The following SPX variants were observed in gnomAD, a reference collection of about 807,000 sequenced individuals.
The protein encoded by SPX is spexin.
In SPX, 22 loss-of-function variants were observed where a neutral mutation model predicts 19.2. The ratio of observed to expected loss-of-function variants is 1.15; its 90% CI spans 0.82 to 1.64. The LOEUF (loss-of-function observed/expected upper bound fraction) is 1.64. SPX is among the 40% of genes most tolerant of loss of function. The pLI, the probability that SPX is intolerant of heterozygous loss-of-function variation, is 0.00. For missense variants in SPX, 143 were observed against 137.7 expected (o/e 1.04, Z -0.19); for synonymous variants, 50 against 53.3 (o/e 0.94, Z 0.27).
intron 4 of SPX, 108 bp from the exon 5 acceptor site, chr12:21,528,893 A>G: frequency 2.0e-6 from 2 of 1,012,964 alleles, no homozygotes; most frequent in Non-Finnish European, 3.0e-6. Flanking sequence ...TGAGGGGTCA[A>G]AATCTATTTC....
chr12:21,531,800 C>T lies in SPX; in HGVS notation c.*605C>T, dbSNP rs369116480. 1 of 152,164 alleles carries T rather than the reference C, an allele frequency of 6.6e-6. No homozygotes were observed. The highest frequency in any genetic ancestry group is 1.9e-4 in the East Asian group (1 of 5,200). 9.4% of individuals were successfully genotyped at this position (152,164 alleles called of 1,614,324 possible). The stretch of plus-strand genomic sequence containing the variant: ...TTGAGGTAGAAGGTTTGCCAAAGAT[C>T]CAGAGCTCAGAGCTCCCTTTGTGCT... On this transcript the variant is annotated 3_prime_UTR_variant, in exon 6 of 6. Coordinates refer to ENST00000256969, the MANE Select transcript of SPX (RefSeq NM_030572.4).
chr12:21,526,565 AT>A, intron 1 of SPX, 87 bp downstream of exon 1: 1 of 1,305,082 alleles, frequency 7.7e-7, no homozygotes, highest in Non-Finnish European at 1.1e-6. Flanking sequence ...TTTAATAAGG[AT>A]TTTAGAGTTT....
chr12:21,527,072 G>A (rs1295919264), intron 2 of SPX, 63 bp from the exon 3 acceptor site: 2 of 1,583,508 alleles, frequency 1.3e-6, no homozygotes, highest in Non-Finnish European at 1.7e-6. Flanking sequence ...CCTTTATTTT[G>A]CTGTAATAGA....
At chr12:21,530,991 T>G in intron 5 of SPX, 146 bp from the exon 6 acceptor site, 1 of 585,710 alleles carries the variant, frequency 1.7e-6, no homozygotes, top group Non-Finnish European at 3.0e-6. Context: ...AAAGCCCATA[T>G]TGTTTAAATT....
rs1943816831 is a variant in SPX, at chr12:21,526,541, T to C, written c.6+63T>C. On this transcript the variant is annotated intron_variant, in intron 1 of 5. Transcript: ENST00000256969. The stretch of plus-strand genomic sequence containing the variant: ...ATTTTTTAAAACGTTTTATAGCATT[T>C]TACCTATTTCATGTTTAATAAGGAT... The C allele has an allele frequency of 2.4e-5, 35 of 1,467,946 alleles. No homozygotes were observed. The South Asian group carries it at 3.7e-4, about 16-fold the overall frequency. The allele number at this position is 1,467,946 out of a possible 1,614,324, so 90.9% of individuals were successfully genotyped here.
Position 21,529,059 on chromosome 12 carries a change from G to C in SPX, c.267G>C (p.Leu89=). 1 of 1,614,130 alleles carries C rather than the reference G, an allele frequency of 6.2e-7. No individual in the cohort carries two copies. The highest frequency in any genetic ancestry group is 8.5e-7 in the Non-Finnish European group (1 of 1,180,006). Residue 89 remains leucine (L), a synonymous_variant, in exon 5 of 6, where the codon CTG becomes CTC. Transcript: ENST00000256969. ...LTIPEAATIL[L]ASLQKSPEDE... ...TTCCGGAGGCAGCAACCATCTTACT[G>C]GCGTCCCTTCAGAAATCACCAGAAG...
chr12:21,526,776 CAG>C (rs1943818262), intron 1 of SPX, 108 bp from the exon 2 acceptor site: 5 of 1,094,066 alleles, frequency 4.6e-6, no homozygotes, highest in Non-Finnish European at 6.8e-6. Context: ...AGTATTAAAA[CAG>C]AATATTGCGA....
At chr12:21,530,328 T>G (rs1288811152) in intron 5 of SPX, among the ~76,000 whole-genome samples, 1 of 152,220 alleles carries the variant, frequency 6.6e-6, no homozygotes, top group African/African-American at 2.4e-5. Flanking sequence ...TGTTTTGTTT[T>G]GTTTTCTTCC....
Position 21,531,249 on chromosome 12 carries a change from C to A in SPX, c.*54C>A. On this transcript the variant is annotated 3_prime_UTR_variant, in exon 6 of 6. Coordinates refer to ENST00000256969, the MANE Select transcript of SPX (RefSeq NM_030572.4). ...TTCTATTCTCTTTGAAAACATGAAC[C>A]ATGTGAATAAAACCTTTGGACCCTT... 8 of 1,320,446 alleles carry A rather than the reference C, an allele frequency of 6.1e-6. 1 individual carries two copies. The South Asian group carries it at 1.1e-4, about 18-fold the overall frequency. The allele number at this position is 1,320,446 out of a possible 1,614,324, so 81.8% of individuals were successfully genotyped here. A position where few individuals can be genotyped will look rare whatever the true frequency, so the allele number is the denominator to read the frequency against.
chr12:21,526,786 C>A, intron 1 of SPX, 100 bp from the exon 2 acceptor site: 5 of 1,153,366 alleles, frequency 4.3e-6, no homozygotes, highest in Non-Finnish European at 3.8e-6. Context: ...CAGAATATTG[C>A]GAGAAGTAAG....
At chr12:21,528,974 A>C (rs1211585599) in intron 4 of SPX, 27 bp from the exon 5 acceptor site, 1 of 1,576,134 alleles carries the variant, frequency 6.3e-7, no homozygotes, top group South Asian at 1.1e-5. Context: ...ATGCTAAGAG[A>C]ATCTGTATAC....
chr12:21,527,094 C>A (rs1258291197), intron 2 of SPX, 41 bp from the exon 3 acceptor site: 3 of 1,602,524 alleles, frequency 1.9e-6, no homozygotes, highest in Non-Finnish European at 2.6e-6. Context: ...GACTGAGCTG[C>A]AATGTTTTAT....
At chr12:21,526,855 A>G (rs181932814) in intron 1 of SPX, 31 bp from the exon 2 acceptor site, 1 of 1,600,396 alleles carries the variant, frequency 6.2e-7, no homozygotes, top group East Asian at 2.2e-5. Context: ...TGGCACAGAA[A>G]TGACCCTTTC....
At chr12:21,527,823 G>A in intron 4 of SPX, 34 bp downstream of exon 4, 1 of 1,557,122 alleles carries the variant, frequency 6.4e-7, no homozygotes, top group African/African-American at 1.4e-5. Context: ...CGCTAGTCCT[G>A]CGCTTTTGGA....
chr12:21,527,869 TG>T, intron 4 of SPX, 80 bp downstream of exon 4: 1 of 1,463,762 alleles, frequency 6.8e-7, no homozygotes, highest in African/African-American at 1.4e-5. Context: ...TCCGCGCTGG[TG>T]CCGAAAGAAA....
rs1315315464 is a variant in SPX, at chr12:21,527,733, G to T, written c.152G>T (p.Arg51Leu). 6 of 1,564,512 alleles carry T rather than the reference G, an allele frequency of 3.8e-6. No individual in the cohort carries two copies. The highest frequency in any genetic ancestry group is 2.4e-5 in the South Asian group (2 of 84,968). The stretch of plus-strand genomic sequence containing the variant: ...CCAGGTCTCGTTTTTGCAGAGGGTC[G>T]CCGCTTCATCTCCGACCAGAGCCGG... Reference protein sequence around the residue: ...AMLYLKGAQGRRFISDQSRRK... With the variant: ...AMLYLKGAQGLRFISDQSRRK... Residue 51 changes from arginine to leucine, a missense_variant, in exon 4 of 6, where the codon CGC (arginine) becomes CTC (leucine). Coordinates refer to ENST00000256969, the MANE Select transcript of SPX (RefSeq NM_030572.4).
chr12:21,527,906 C>T, intron 4 of SPX, 117 bp downstream of exon 4: 1 of 1,210,206 alleles, frequency 8.3e-7, no homozygotes, highest in South Asian at 1.4e-5. Context: ...AAAGACGCGG[C>T]TCTGAGGCGC....
chr12:21,529,751 T>G (rs541547376), intron 5 of SPX, among the ~76,000 whole-genome samples: 13 of 152,342 alleles, frequency 8.5e-5, no homozygotes, highest in African/African-American at 2.6e-4. Context: ...TCTCAGGCTC[T>G]GGAGAGCTGG....
intron 1 of SPX, 73 bp from the exon 2 acceptor site, chr12:21,526,813 C>T: frequency 7.2e-7 from 1 of 1,387,360 alleles, no homozygotes. Flanking sequence ...TATAATTGTC[C>T]AGGCGTCAAG....
Sources: gnomAD v4.1 joint callset for allele counts (sites outside exome capture counted in the v4.1 genomes callset) on GRCh38, gnomAD v4.1.1 for gene constraint, MANE v1.5 for transcripts, NCBI Gene and HGNC (gene_info 2026-07-23, HGNC 2026-07-21) for gene names.